EPB41L3: variants seen among roughly 807,000 people sequenced by gnomAD.
EPB41L3 encodes the protein band 4.1-like protein 3.
EPB41L3 carries 57 observed loss-of-function variants against 127.1 expected under a neutral mutation model. The observed-to-expected ratio is 0.45, with a 90% CI of 0.36 to 0.56. The LOEUF is 0.56. Among genes scored for constraint, EPB41L3 ranks in the 20% least tolerant of loss-of-function variants. The pLI is 0.00. For missense variants in EPB41L3, 1,273 were observed against 1,372.2 expected, an observed-to-expected ratio of 0.93 and a Z score of 1.14; for synonymous variants, 572 against 549.5, an observed-to-expected ratio of 1.04 and a Z score of -0.57.
In EPB41L3 at chr18:5,443,823, T is replaced by G; in HGVS notation, c.529+15A>C. 1 of 1,607,382 alleles carries G rather than the reference T, an allele frequency of 6.2e-7. No homozygotes were observed. Among genetic ancestry groups the G allele is most frequent in the Non-Finnish European group, 8.5e-7 (1 of 1,176,754 alleles). On this transcript the variant is annotated intron_variant, in intron 5 of 22. Transcript: ENST00000341928. Reference sequence around the variant, plus strand: ...ACCTTCACATTTCCACAAAAAATAATCCAAAAGAACTTACTTCGAACCTGT... The same window carrying G: ...ACCTTCACATTTCCACAAAAAATAAGCCAAAAGAACTTACTTCGAACCTGT...
chr18:5,404,411 A>C (rs1445921033), intron 16 of EPB41L3, among the ~76,000 whole-genome samples: 3 of 152,286 alleles, frequency 2.0e-5, no homozygotes, highest in African/African-American at 7.2e-5. Flanking sequence ...TAAATAACCA[A>C]ACTGCTTTGC....
intron 3 of EPB41L3, among the ~76,000 whole-genome samples, chr18:5,589,572 T>C (rs1024565023): frequency 1.3e-5 from 2 of 152,216 alleles, no homozygotes; most frequent in Non-Finnish European, 2.9e-5. Flanking sequence ...TCCAAATCTG[T>C]TATAAAAAGA....
At position 5,414,710 on chromosome 18, in the gene EPB41L3, C is replaced by T. The variant is rs139894608; in HGVS notation, c.2067+1108G>A. On this transcript the variant is annotated intron_variant, in intron 13 of 22. Coordinates refer to ENST00000341928, the MANE Select transcript of EPB41L3 (RefSeq NM_012307.5). ...GAGTGGGGAGGGGCGCGCATGACAG[C>T]AGCCAGGGCCTCTGGTGGCAGCTTC... Among the ~76,000 whole-genome samples, 25 of 152,294 alleles carry T rather than the reference C, an allele frequency of 1.6e-4. No individual in the cohort carries two copies. In the East Asian group the frequency reaches 4.2e-3, roughly 26 times the overall value.
rs574912804 is a variant in EPB41L3 at position 5,395,463 on chromosome 18, G to A, written c.3072+146C>T. 1.2e-4 allele frequency: 85 copies of A among 728,884 alleles called. No homozygotes were observed. In the African/African-American group the frequency reaches 1.2e-3, roughly 10 times the overall value. 45.2% of individuals were successfully genotyped at this position (728,884 alleles called of 1,614,324 possible). On this transcript the variant is annotated intron_variant, in intron 20 of 22. Coordinates refer to ENST00000341928, the MANE Select transcript of EPB41L3 (RefSeq NM_012307.5). Reference sequence around the variant, plus strand: ...CAAGTGCATCGTAAATCTAGGGGCTGTAAAAGCTCCCCTTGCAGCTATCCC... The same window carrying A: ...CAAGTGCATCGTAAATCTAGGGGCTATAAAAGCTCCCCTTGCAGCTATCCC...
intron 1 of EPB41L3, among the ~76,000 whole-genome samples, chr18:5,507,045 C>A (rs1234091861): frequency 4.6e-5 from 7 of 152,078 alleles, no homozygotes; most frequent in Non-Finnish European, 1.0e-4. Context: ...ATTAAGTGTG[C>A]GTGTAAAATG....
At chr18:5,510,372 G>A (rs1315714752) in intron 1 of EPB41L3, among the ~76,000 whole-genome samples, 1 of 152,280 alleles carries the variant, frequency 6.6e-6, no homozygotes, top group South Asian at 2.1e-4. Flanking sequence ...CCCCAATCTG[G>A]GCTGGAGTAT....
intron 3 of EPB41L3, among the ~76,000 whole-genome samples, chr18:5,565,075 T>C (rs1192180526): frequency 6.6e-6 from 1 of 152,108 alleles, no homozygotes; most frequent in African/African-American, 2.4e-5. Context: ...CAAAGGCATA[T>C]GCTGGCAATT....
intron 5 of EPB41L3, among the ~76,000 whole-genome samples, chr18:5,440,778 A>G (rs538303791): frequency 6.6e-6 from 1 of 152,358 alleles, no homozygotes; most frequent in Non-Finnish European, 1.5e-5. Flanking sequence ...TCATAAACAT[A>G]CTTAAAATCA....
chr18:5,496,357 G>A (rs2091178237), intron 1 of EPB41L3, among the ~76,000 whole-genome samples: 1 of 152,232 alleles, frequency 6.6e-6, no homozygotes, highest in African/African-American at 2.4e-5. Context: ...ATCTTTGGTT[G>A]ATCCCACATG....
At chr18:5,481,597 G>A (rs973059394) in intron 2 of EPB41L3, among the ~76,000 whole-genome samples, 4 of 152,144 alleles carry the variant, frequency 2.6e-5, no homozygotes, top group African/African-American at 4.8e-5. Flanking sequence ...AAATATCCCC[G>A]AGGACAGGCG....
In EPB41L3 at chr18:5,593,204, C is replaced by G. The variant is rs534598237; in HGVS notation, c.-306+19136G>C. 2.0e-5 allele frequency among the ~76,000 whole-genome samples: 3 copies of G among 152,012 alleles called. 1 individual carries two copies. Among genetic ancestry groups the G allele is most frequent in the South Asian group, 4.2e-4 (2 of 4,796 alleles). The stretch of plus-strand genomic sequence containing the variant: ...TAATTCCCACCCACCTCACCCCCAC[C>G]CCCCTGTCCCTGTATCGGGGGAAAT... On this transcript the variant is annotated intron_variant, in intron 3 of 21. Coordinates refer to the EPB41L3 transcript ENST00000545076.
intron 1 of EPB41L3, among the ~76,000 whole-genome samples, chr18:5,542,876 C>A (rs2093773656): frequency 6.6e-6 from 1 of 152,214 alleles, no homozygotes; most frequent in South Asian, 2.1e-4. Flanking sequence ...GGGAAGAAGT[C>A]CGGCGAGATT....
chr18:5,564,012 A>G (rs2094166658), intron 3 of EPB41L3, among the ~76,000 whole-genome samples: 1 of 152,290 alleles, frequency 6.6e-6, no homozygotes, highest in Admixed American at 6.5e-5. Flanking sequence ...TGTCTTGAGG[A>G]AGACCAACAA....
At chr18:5,394,393 G>A in intron 22 of EPB41L3, 2 of 297,734 alleles carry the variant, frequency 6.7e-6, no homozygotes, top group Non-Finnish European at 1.3e-5. Flanking sequence ...AAGAGTGCAG[G>A]CCATGGAATA....
intron 12 of EPB41L3, among the ~76,000 whole-genome samples, chr18:5,419,168 T>C (rs2077173884): frequency 6.6e-6 from 1 of 152,224 alleles, no homozygotes; most frequent in East Asian, 1.9e-4. Flanking sequence ...TGCTGCCAAA[T>C]TCCCTTTTTA....
chr18:5,441,404 G>A (rs117262394), intron 5 of EPB41L3, among the ~76,000 whole-genome samples: 1 of 152,104 alleles, frequency 6.6e-6, no homozygotes, highest in East Asian at 1.9e-4. Context: ...TTTGTGGCAA[G>A]AGGGCATTTT....
intron 3 of EPB41L3, among the ~76,000 whole-genome samples, chr18:5,555,730 C>T (rs1048546720): frequency 2.0e-5 from 3 of 152,156 alleles, no homozygotes; most frequent in African/African-American, 7.2e-5. Context: ...AATCCAGCTT[C>T]CCGGGACATG....
At chr18:5,553,787 G>C (rs1017589698) in intron 3 of EPB41L3, among the ~76,000 whole-genome samples, 1 of 152,120 alleles carries the variant, frequency 6.6e-6, no homozygotes, top group South Asian at 2.1e-4. Context: ...GCCACCCTGA[G>C]ACCCCTATAG....
rs756185800 is a variant in EPB41L3, at chr18:5,489,147, G to C, written c.37C>G (p.Pro13Ala). ...TCCTGGGGCTCGGCCTCCTGGTCCG[G>C]CTTGGATTCCGAGTCTGATCCAGAT... ...TESGSDSESK[P>A]DQEAEPQEAA... Residue 13 changes from proline to alanine, a missense_variant, in exon 2 of 23, where the codon CCG becomes GCG. Physicochemically the swap from Pro to Ala is conservative, Grantham distance 27. Transcript: ENST00000341928. 2 of 1,595,698 alleles carry C rather than the reference G, an allele frequency of 1.3e-6. No homozygotes were observed. The highest frequency in any genetic ancestry group is 1.7e-6 in the Non-Finnish European group (2 of 1,175,072).
Sources: gnomAD v4.1 joint callset for allele counts (sites outside exome capture counted in the v4.1 genomes callset) on GRCh38, gnomAD v4.1.1 for gene constraint, MANE v1.5 for transcripts, NCBI Gene and HGNC (gene_info 2026-07-23, HGNC 2026-07-21) for gene names.